The following TEX14 variants were observed in gnomAD, a reference collection of about 807,000 sequenced individuals.
The protein encoded by TEX14 is testis expressed 14, intercellular bridge forming factor.
In TEX14, 168 loss-of-function variants were observed where a neutral mutation model predicts 178.6. The ratio of observed to expected loss-of-function variants is 0.94; its 90% CI spans 0.83 to 1.07. The LOEUF (loss-of-function observed/expected upper bound fraction) is 1.07. TEX14 is among the 50% of genes least tolerant of loss of function. The pLI is 0.00. For missense variants in TEX14, 1,730 were observed against 1,753.6 expected (o/e 0.99, Z 0.24); for synonymous variants, 626 against 634.1 (o/e 0.99, Z 0.19).
intron 1 of TEX14, among the ~76,000 whole-genome samples, chr17:58,688,117 T>TTTTTG (rs997118381): frequency 5.3e-5 from 8 of 151,900 alleles, no homozygotes; most frequent in Non-Finnish European, 7.4e-5. Context: ...TTATAGACTT[T>TTTTTG]TTTTGTTTTG....
chr17:58,662,433 A>T (rs991247617), intron 1 of TEX14, among the ~76,000 whole-genome samples: 1 of 151,268 alleles, frequency 6.6e-6, no homozygotes, highest in Non-Finnish European at 1.5e-5. Context: ...ACACACACAC[A>T]CACACACACA....
At chr17:58,578,273 T>C (rs1286102218) in intron 20 of TEX14, among the ~76,000 whole-genome samples, 1 of 152,196 alleles carries the variant, frequency 6.6e-6, no homozygotes, top group Non-Finnish European at 1.5e-5. Context: ...CCTTTTAAAA[T>C]GATAAATATC....
chr17:58,590,271 A>C (rs995798195), intron 15 of TEX14, among the ~76,000 whole-genome samples: 7 of 151,286 alleles, frequency 4.6e-5, no homozygotes, highest in African/African-American at 1.5e-4. Flanking sequence ...AAAAAAAAAA[A>C]AAAAAAAAAC....
chr17:58,625,209 T>G (rs891088694), intron 3 of TEX14, among the ~76,000 whole-genome samples: 1 of 152,122 alleles, frequency 6.6e-6, no homozygotes, highest in Non-Finnish European at 1.5e-5. Context: ...CTCGACTCAC[T>G]GCAACCTCTG....
chr17:58,664,614 A>G (rs74842800), intron 1 of TEX14, among the ~76,000 whole-genome samples: 2,787 of 152,282 alleles, frequency 0.018, 85 homozygotes, highest in African/African-American at 0.064. Flanking sequence ...CTGTAGGGAA[A>G]ACAGACTTGC....
intron 14 of TEX14, among the ~76,000 whole-genome samples, chr17:58,594,221 T>TA (rs1025577883): frequency 9.8e-4 from 146 of 149,236 alleles, no homozygotes; most frequent in Middle Eastern, 3.5e-3. Flanking sequence ...AAGATAGAAA[T>TA]AAAAAAAAAA....
intron 1 of TEX14, among the ~76,000 whole-genome samples, chr17:58,678,018 C>T (rs2143527403): frequency 6.6e-6 from 1 of 152,244 alleles, no homozygotes; most frequent in South Asian, 2.1e-4. Context: ...GGCATGGTGG[C>T]GGGTGCCTGT....
Position 58,611,268 on chromosome 17 carries a change from T to C in TEX14, c.1077A>G (p.Arg359=), listed in dbSNP as rs139406356. The change falls in exon 10 of 32, where the codon AGA becomes AGG. Residue 359 remains arginine (R), a synonymous_variant. Coordinates refer to ENST00000349033, the MANE Select transcript of TEX14 (RefSeq NM_031272.5). The part of the protein sequence containing the change: ...HLLLQISDAL[R]YLHFQGFIHR... ...GGATAAACCCCTGGAAATGCAGGTA[T>C]CTCAGGGCATCAGATATCTGGAGCA... 6.1e-5 allele frequency: 98 copies of C among 1,613,094 alleles called. No homozygotes were observed. In the African/African-American group the frequency reaches 1.2e-3, roughly 20 times the overall value.
chr17:58,599,021 G>C lies in TEX14; in HGVS notation c.2324C>G (p.Ser775Ter). 6 of 1,613,952 alleles carry C rather than the reference G, an allele frequency of 3.7e-6. No individual in the cohort carries two copies. Among genetic ancestry groups the C allele is most frequent in the Non-Finnish European group, 5.1e-6 (6 of 1,179,966 alleles). The change falls in exon 14 of 32, where the codon TCA (serine) becomes TGA (stop). Residue 775 changes from serine to a stop codon, truncating the protein, a stop_gained. Coordinates refer to ENST00000349033, the MANE Select transcript of TEX14 (RefSeq NM_031272.5). LOFTEE classifies it high-confidence loss of function. Reference sequence around the variant, plus strand: ...CTTGTAGGCATTTGTAAACTCTCTTGAAGTGGCCCATAAAGACATGCGCTC... The same window carrying C: ...CTTGTAGGCATTTGTAAACTCTCTTCAAGTGGCCCATAAAGACATGCGCTC... ...QEERMSLWAT[S>*]REFTNAYKLP...
intron 9 of TEX14, among the ~76,000 whole-genome samples, 179 bp downstream of exon 9, chr17:58,613,242 T>C (rs1039737534): frequency 2.0e-5 from 3 of 151,816 alleles, no homozygotes; most frequent in African/African-American, 7.3e-5. Context: ...ACCGTACTAA[T>C]TCTGACCATG....
At chr17:58,640,823 C>T (rs1374430100) in intron 2 of TEX14, among the ~76,000 whole-genome samples, 2 of 152,126 alleles carry the variant, frequency 1.3e-5, no homozygotes, top group East Asian at 3.9e-4. Flanking sequence ...GGGATCAAGC[C>T]ATCCTCCCAC....
chr17:58,616,431 A>C, intron 6 of TEX14, 126 bp from the exon 7 acceptor site: 5 of 1,177,896 alleles, frequency 4.2e-6, no homozygotes, highest in Non-Finnish European at 4.5e-6. Flanking sequence ...ACCCCTATGC[A>C]CTGGGCCTTT....
intron 30 of TEX14, 38 bp from the exon 31 acceptor site, chr17:58,557,888 T>C: frequency 6.4e-7 from 1 of 1,558,678 alleles, no homozygotes; most frequent in Non-Finnish European, 8.8e-7. Context: ...AACAACATGA[T>C]TAATTTCTAG....
chr17:58,608,945 G>T (rs1318148446), intron 10 of TEX14, among the ~76,000 whole-genome samples: 3 of 152,190 alleles, frequency 2.0e-5, no homozygotes, highest in African/African-American at 4.8e-5. Flanking sequence ...CCCTGAAAAT[G>T]GGTCTGGACT....
At position 58,587,609 on chromosome 17, in the gene TEX14, A is replaced by T; in HGVS notation, c.2760T>A (p.Asp920Glu). 1 of 1,603,388 alleles carries T rather than the reference A, an allele frequency of 6.2e-7. No homozygotes were observed. The highest frequency in any genetic ancestry group is 1.3e-5 in the African/African-American group (1 of 74,550). The stretch of plus-strand genomic sequence containing the variant: ...TCCATTTTAAGTGTACCTTTCCATC[A>T]TCTTTATTTCTGGACTCTGCATTAT... Reference protein sequence around the residue: ...EIYNAESRNKDDGKVHLKWKM... With the variant: ...EIYNAESRNKEDGKVHLKWKM... Residue 920 changes from aspartate (D) to glutamate (E), a missense_variant, in exon 17 of 32, where the codon GAT becomes GAA. Around this residue, in one of 2 missense-constraint regions of TEX14, gnomAD observed 941 missense variants for 1,072.4 expected, o/e 0.88. Transcript: ENST00000349033.
intron 1 of TEX14, chr17:58,659,279 A>T (rs34275691): frequency 0.2 from 184,422 of 917,336 alleles, 19,470 homozygotes; most frequent in Non-Finnish European, 0.21. Flanking sequence ...CAGGACCAAC[A>T]GCGTCTCTCC....
At chr17:58,610,723 T>A (rs2045723727) in intron 10 of TEX14, among the ~76,000 whole-genome samples, 1 of 151,992 alleles carries the variant, frequency 6.6e-6, no homozygotes, top group South Asian at 2.1e-4. Flanking sequence ...GCATCTCTAC[T>A]AAAAACACAA....
chr17:58,585,832 A>T lies in TEX14; in HGVS notation c.3039T>A (p.His1013Gln). 2 of 1,614,038 alleles carry T rather than the reference A, an allele frequency of 1.2e-6. No individual in the cohort carries two copies. Among genetic ancestry groups the T allele is most frequent in the Non-Finnish European group, 1.7e-6 (2 of 1,180,004 alleles). The stretch of plus-strand genomic sequence containing the variant: ...AGCTTCCAAGCCTGGGCTGTCTGCC[A>T]TGCTGGTCACTGTCACAGTCATTGT... ...TGNNDCDSDQ[H>Q]GRQPRLGSFT... The change falls in exon 18 of 32, where the codon CAT (histidine) becomes CAA (glutamine). Residue 1013 changes from histidine to glutamine, a missense_variant. Around this residue, in one of 2 missense-constraint regions of TEX14, gnomAD observed 941 missense variants for 1,072.4 expected, o/e 0.88. Transcript: ENST00000349033.
intron 19 of TEX14, 117 bp from the exon 20 acceptor site, chr17:58,579,848 C>T (rs1002711752): frequency 6.9e-5 from 57 of 820,180 alleles, no homozygotes; most frequent in Admixed American, 1.3e-4. Flanking sequence ...ATCCCTGCAT[C>T]TTTATAGAAA....
Sources: gnomAD v4.1 joint callset for allele counts (sites outside exome capture counted in the v4.1 genomes callset) on GRCh38, gnomAD v4.1.1 for gene constraint, gnomAD v4.1.1 regional missense constraint, MANE v1.5 for transcripts, NCBI Gene and HGNC (gene_info 2026-07-23, HGNC 2026-07-21) for gene names.